Variants in LRMDA observed in about 807,000 individuals in gnomAD.
LRMDA encodes the protein leucine-rich melanocyte differentiation-associated protein.
In LRMDA, 18 loss-of-function variants were observed where a neutral mutation model predicts 29.8. The observed-to-expected ratio is 0.60, with a 90% confidence interval of 0.42 to 0.90. LRMDA has a LOEUF of 0.90. Among genes scored for constraint, LRMDA ranks in the 40% least tolerant of loss-of-function variants. LRMDA has a pLI of 0.00. For synonymous variants in LRMDA, 125 were observed against 109.4 expected, an observed-to-expected ratio of 1.14 and a Z score of -0.89; for missense variants, 273 against 273.9, an observed-to-expected ratio of 1.00 and a Z score of 0.02.
intron 5 of LRMDA, among the ~76,000 whole-genome samples, chr10:76,110,745 C>T (rs1025452093): frequency 6.6e-6 from 1 of 152,190 alleles, no homozygotes; most frequent in Non-Finnish European, 1.5e-5. Context: ...TTGCCTCCCA[C>T]CATGATTCTG....
chr10:76,057,925 T>G (rs915419410), intron 4 of LRMDA, among the ~76,000 whole-genome samples: 23 of 152,316 alleles, frequency 1.5e-4, no homozygotes, highest in South Asian at 2.1e-4. Flanking sequence ...TCTTGTCAAC[T>G]CCATATATAC....
chr10:76,006,180 T>C (rs1847652624), intron 2 of LRMDA, among the ~76,000 whole-genome samples: 1 of 152,160 alleles, frequency 6.6e-6, no homozygotes, highest in Non-Finnish European at 1.5e-5. Context: ...ACTTTCTTTA[T>C]CTTCCTGGAG....
At chr10:75,519,328 GAGTCTA>G (rs1432787018) in intron 2 of LRMDA, among the ~76,000 whole-genome samples, 6 of 152,176 alleles carry the variant, frequency 3.9e-5, no homozygotes, top group Non-Finnish European at 7.4e-5. Flanking sequence ...TATTGTGTGG[GAGTCTA>G]AGTCTCTTTG....
intron 2 of LRMDA, among the ~76,000 whole-genome samples, chr10:75,733,109 CA>C (rs1235916223): frequency 6.6e-6 from 1 of 152,156 alleles, no homozygotes; most frequent in Non-Finnish European, 1.5e-5. Flanking sequence ...AAGAATGTCT[CA>C]GGGGTGGATG....
Position 75,598,479 on chromosome 10 carries a change from G to A in LRMDA, c.131+159985G>A, listed in dbSNP as rs4512767. Among the ~76,000 whole-genome samples, 286 of 152,098 alleles carry A rather than the reference G, an allele frequency of 1.9e-3. 1 individual carries two copies. Among genetic ancestry groups the A allele is most frequent in the African/African-American group, 6.2e-3 (259 of 41,502 alleles). ...AGGGCTTTCCTGGACAGTGCTGGACGATGTAGTATGTTTTCTGAGAGAGCT... is the reference window on the plus strand; with the variant it reads ...AGGGCTTTCCTGGACAGTGCTGGACAATGTAGTATGTTTTCTGAGAGAGCT... On this transcript the variant is annotated intron_variant, in intron 2 of 6. Transcript: ENST00000611255.
At position 76,029,998 on chromosome 10, in the gene LRMDA, C is replaced by T. The variant is rs116034816; in HGVS notation, c.132-6010C>T. Among the ~76,000 whole-genome samples, 445 of 152,238 alleles carry T rather than the reference C, an allele frequency of 2.9e-3. 4 individuals are homozygous for T. Among genetic ancestry groups the T allele is most frequent in the African/African-American group, 9.9e-3 (413 of 41,544 alleles). ...GTAGCCTGGCCCTCCTGGGCTCAAG[C>T]GATTCTCTTGCCTCAGCCTCCTGAA... On this transcript the variant is annotated intron_variant, in intron 2 of 6. Coordinates refer to ENST00000611255, the MANE Select transcript of LRMDA (RefSeq NM_001305581.2).
intron 2 of LRMDA, among the ~76,000 whole-genome samples, chr10:76,009,689 G>A (rs952957582): frequency 1.3e-5 from 2 of 152,116 alleles, no homozygotes; most frequent in Non-Finnish European, 2.9e-5. Flanking sequence ...GTGTCTCTTT[G>A]TGGTCATCTC....
chr10:75,817,727 G>A (rs1399116544), intron 2 of LRMDA, among the ~76,000 whole-genome samples: 1 of 152,216 alleles, frequency 6.6e-6, no homozygotes, highest in East Asian at 1.9e-4. Context: ...GTTTGGGAGG[G>A]TATTGGAATG....
intron 2 of LRMDA, among the ~76,000 whole-genome samples, chr10:75,738,683 G>C (rs571707898): frequency 2.0e-5 from 3 of 152,246 alleles, no homozygotes; most frequent in Non-Finnish European, 4.4e-5. Flanking sequence ...TCCATGACTC[G>C]AGGCAAGTGC....
At chr10:76,201,999 C>G (rs778208438) in intron 5 of LRMDA, among the ~76,000 whole-genome samples, 30 of 150,948 alleles carry the variant, frequency 2.0e-4, no homozygotes, top group Non-Finnish European at 3.8e-4. Flanking sequence ...GCTGGGGTCT[C>G]TCTTCATGTG....
intron 6 of LRMDA, among the ~76,000 whole-genome samples, chr10:76,347,590 T>A (rs1010966840): frequency 1.3e-5 from 2 of 152,174 alleles, no homozygotes; most frequent in Non-Finnish European, 2.9e-5. Flanking sequence ...ATTTTAGTAC[T>A]TACATGCCTC....
chr10:75,666,100 TTAAC>T (rs1841818343), intron 2 of LRMDA, among the ~76,000 whole-genome samples: 1 of 152,166 alleles, frequency 6.6e-6, no homozygotes, highest in African/African-American at 2.4e-5. Flanking sequence ...ATTTGACCCT[TTAAC>T]AGCATGAAAA....
At chr10:75,947,127 G>C (rs1231663723) in intron 2 of LRMDA, among the ~76,000 whole-genome samples, 1 of 152,162 alleles carries the variant, frequency 6.6e-6, no homozygotes, top group Non-Finnish European at 1.5e-5. Context: ...AATCCTCTCG[G>C]CCTAAGGGTG....
intron 5 of LRMDA, among the ~76,000 whole-genome samples, chr10:76,087,627 C>T (rs1359937119): frequency 1.3e-5 from 2 of 151,980 alleles, no homozygotes; most frequent in East Asian, 3.9e-4. Context: ...AAGGGGGATG[C>T]CAGAGGTACT....
At chr10:75,691,537 A>T (rs1196155172) in intron 2 of LRMDA, among the ~76,000 whole-genome samples, 2 of 152,160 alleles carry the variant, frequency 1.3e-5, no homozygotes, top group Non-Finnish European at 2.9e-5. Context: ...CACAAAAGGC[A>T]TGTGGTTCTC....
chr10:76,073,542 G>T (rs1589314771), intron 5 of LRMDA, among the ~76,000 whole-genome samples: 1 of 152,108 alleles, frequency 6.6e-6, no homozygotes. Flanking sequence ...ACTGCTAGTT[G>T]TATGTATGTG....
At chr10:75,547,236 T>C (rs564539761) in intron 2 of LRMDA, among the ~76,000 whole-genome samples, 1 of 152,318 alleles carries the variant, frequency 6.6e-6, no homozygotes, top group South Asian at 2.1e-4. Context: ...TGGTTCTGTA[T>C]AGCATTACTG....
At chr10:76,208,705 A>G (rs1381621473) in intron 5 of LRMDA, among the ~76,000 whole-genome samples, 1 of 152,162 alleles carries the variant, frequency 6.6e-6, no homozygotes, top group Admixed American at 6.5e-5. Context: ...CTGTTAGAGC[A>G]GCCATGGAAA....
chr10:75,995,330 C>T (rs1183450660), intron 2 of LRMDA, among the ~76,000 whole-genome samples: 1 of 152,136 alleles, frequency 6.6e-6, no homozygotes, highest in East Asian at 1.9e-4. Context: ...CTTGAGAGAA[C>T]CCCACTTGCT....
Sources: gnomAD v4.1 joint callset for allele counts (sites outside exome capture counted in the v4.1 genomes callset) on GRCh38, gnomAD v4.1.1 for gene constraint, MANE v1.5 for transcripts, NCBI Gene and HGNC (gene_info 2026-07-23, HGNC 2026-07-21) for gene names.